The following TOPAZ1 variants were observed in gnomAD, a reference collection of about 807,000 sequenced individuals.
TOPAZ1 encodes the protein testis and ovary specific TOPAZ 1.
TOPAZ1 carries 66 observed loss-of-function variants against 172.2 expected under a neutral mutation model. The ratio of observed to expected loss-of-function variants is 0.38; its 90% CI spans 0.31 to 0.47. The LOEUF (loss-of-function observed/expected upper bound fraction) is 0.47, where lower values mean the gene tolerates loss of function less well. Among genes scored for constraint, TOPAZ1 ranks in the 20% least tolerant of loss-of-function variants. TOPAZ1 has a pLI of 0.99. For missense variants in TOPAZ1, 1,822 were observed against 1,972.4 expected, an observed-to-expected ratio of 0.92 and a Z score of 1.44; for synonymous variants, 681 against 683.9, an observed-to-expected ratio of 1.00 and a Z score of 0.07.
At position 44,244,887 on chromosome 3, in the gene TOPAZ1, C is replaced by T; in HGVS notation, c.2381C>T (p.Ser794Phe). ...NHVSEPGNIV[S>F]NKEVASLTVE... is the part of the protein sequence containing the mutation. ...GTCTCTGAACCAGGCAATATTGTTT[C>T]TAATAAAGAAGTTGCTTCTCTCACA... Residue 794 changes from serine (S) to phenylalanine (F), a missense_variant, in exon 2 of 20, where the codon TCT becomes TTT. Around this residue, in one of 2 missense-constraint regions of TOPAZ1, gnomAD observed 1,489 missense variants for 1,490.8 expected, o/e 1.00. Coordinates refer to ENST00000309765, the MANE Select transcript of TOPAZ1 (RefSeq NM_001145030.2). 6.4e-7 allele frequency: 1 copy of T among 1,551,698 alleles called. No individual in the cohort carries two copies. Among genetic ancestry groups the T allele is most frequent in the Non-Finnish European group, 8.7e-7 (1 of 1,146,990 alleles).
chr3:44,292,955 C>T (rs1347187560), intron 12 of TOPAZ1, among the ~76,000 whole-genome samples: 1 of 152,198 alleles, frequency 6.6e-6, no homozygotes, highest in East Asian at 1.9e-4. Context: ...CCCTCTGCCC[C>T]TTTCTGTGCT....
chr3:44,330,414 G>T (rs1399994187), intron 19 of TOPAZ1, among the ~76,000 whole-genome samples: 1 of 152,096 alleles, frequency 6.6e-6, no homozygotes, highest in Non-Finnish European at 1.5e-5. Context: ...TTTCTCTATT[G>T]TCATTATCAT....
chr3:44,242,317 G>A lies in TOPAZ1; in HGVS notation c.264G>A (p.Pro88=), dbSNP rs1036793073. The A allele has an allele frequency of 1.0e-5, 16 of 1,552,040 alleles. No individual in the cohort carries two copies. The African/African-American group carries it at 1.2e-4, about 12-fold the overall frequency. The change falls in exon 1 of 20, where the codon CCG becomes CCA. Residue 88 remains proline (P), a synonymous_variant. Transcript: ENST00000309765. ...ARRQVEGRRG[P]VSPSDSSDPR... ...GTCAGGTGGAGGGGCGCAGGGGCCC[G>A]GTGAGCCCGTCAGACTCGTCAGACC...
intron 2 of TOPAZ1, among the ~76,000 whole-genome samples, chr3:44,254,221 A>G (rs78419780): frequency 7.9e-5 from 12 of 152,330 alleles, no homozygotes; most frequent in African/African-American, 2.2e-4. Context: ...TCTGTTCTAC[A>G]TATTCTTAAT....
In TOPAZ1 at chr3:44,245,530, CTTTTTTTTTTTT is replaced by C. The variant is rs531158571; in HGVS notation, c.2765+274_2765+285del. On this transcript the variant is annotated intron_variant, in intron 2 of 19. Transcript: ENST00000309765. ...TCAGAATTTATGGTTCATAGAGTGG[CTTTTTTTTTTTT>C]TTTTTTTTTTTTTTAACGGAGTCTC... 4.8e-5 allele frequency among the ~76,000 whole-genome samples: 4 copies of C among 83,006 alleles called. No individual in the cohort carries two copies. In the South Asian group the frequency reaches 2.0e-3, roughly 42 times the overall value. The allele number at this position is 83,006 out of a possible 152,430, so 54.5% of individuals were successfully genotyped here. A position where few individuals can be genotyped will look rare whatever the true frequency, so the allele number is the denominator to read the frequency against.
At chr3:44,297,169 C>CAAAA (rs35773194) in intron 12 of TOPAZ1, among the ~76,000 whole-genome samples, 2 of 135,544 alleles carry the variant, frequency 1.5e-5, no homozygotes, top group Admixed American at 7.3e-5. Flanking sequence ...AAGTCTGTCT[C>CAAAA]AAAAAAAAAA....
At chr3:44,294,375 G>T (rs1339312723) in intron 12 of TOPAZ1, among the ~76,000 whole-genome samples, 2 of 152,134 alleles carry the variant, frequency 1.3e-5, no homozygotes, top group Admixed American at 1.3e-4. Context: ...TAGTTAAGGA[G>T]TTTAGATCAT....
At chr3:44,315,858 G>A (rs563641607) in intron 16 of TOPAZ1, among the ~76,000 whole-genome samples, 18 of 152,196 alleles carry the variant, frequency 1.2e-4, no homozygotes, top group African/African-American at 3.6e-4. Flanking sequence ...TTGCAGTCAT[G>A]GGATTTTTAA....
intron 2 of TOPAZ1, among the ~76,000 whole-genome samples, chr3:44,252,724 C>T (rs1699649029): frequency 6.6e-6 from 1 of 152,150 alleles, no homozygotes; most frequent in Non-Finnish European, 1.5e-5. Flanking sequence ...TCCAGTAGTT[C>T]TCTTGGCACA....
intron 16 of TOPAZ1, 31 bp from the exon 17 acceptor site, chr3:44,320,995 AT>A (rs1443858651): frequency 7.0e-7 from 1 of 1,426,184 alleles, no homozygotes; most frequent in South Asian, 1.3e-5. Flanking sequence ...TTTTCATGGT[AT>A]AAACTATTCA....
chr3:44,315,277 C>A (rs1325510475), intron 16 of TOPAZ1, among the ~76,000 whole-genome samples: 1 of 151,912 alleles, frequency 6.6e-6, no homozygotes, highest in Non-Finnish European at 1.5e-5. Context: ...TGTGGACCAG[C>A]GCCTGTGACT....
Position 44,241,927 on chromosome 3 carries a change from T to G in TOPAZ1, c.-127T>G. On this transcript the variant is annotated 5_prime_UTR_variant, in exon 1 of 20. Coordinates refer to ENST00000309765, the MANE Select transcript of TOPAZ1 (RefSeq NM_001145030.2). ...CCCACTTCCGCTTCCGGCCCCGGGC[T>G]GTGGTGACTGGCGGTGTGGGGTGGG... 1 of 901,634 alleles carries G rather than the reference T, an allele frequency of 1.1e-6. No homozygotes were observed. The highest frequency in any genetic ancestry group is 1.6e-6 in the Non-Finnish European group (1 of 613,896). 55.9% of individuals were successfully genotyped at this position (901,634 alleles called of 1,614,324 possible).
intron 2 of TOPAZ1, among the ~76,000 whole-genome samples, chr3:44,247,652 A>G (rs974481657): frequency 6.6e-6 from 1 of 151,908 alleles, no homozygotes; most frequent in African/African-American, 2.4e-5. Context: ...AATCTTGACT[A>G]TTTTTGTTAT....
At chr3:44,271,560 A>T (rs1246221098) in intron 8 of TOPAZ1, among the ~76,000 whole-genome samples, 1 of 151,976 alleles carries the variant, frequency 6.6e-6, no homozygotes, top group Non-Finnish European at 1.5e-5. Context: ...ATATATATAA[A>T]ATCATTTATT....
intron 9 of TOPAZ1, among the ~76,000 whole-genome samples, chr3:44,285,596 G>A (rs1367125003): frequency 2.0e-5 from 3 of 152,024 alleles, no homozygotes; most frequent in African/African-American, 4.8e-5. Flanking sequence ...TTGAGACGGA[G>A]TCTTCCCCGG....
intron 9 of TOPAZ1, among the ~76,000 whole-genome samples, chr3:44,287,091 A>ACT (rs1355585479): frequency 6.6e-6 from 1 of 151,950 alleles, no homozygotes; most frequent in Non-Finnish European, 1.5e-5. Flanking sequence ...TGGGAGCTTG[A>ACT]CTCTGTAGGA....
chr3:44,264,355 G>A (rs1206911444), intron 5 of TOPAZ1, among the ~76,000 whole-genome samples: 1 of 152,332 alleles, frequency 6.6e-6, no homozygotes, highest in African/African-American at 2.4e-5. Flanking sequence ...TTGTTTCCTA[G>A]TGCGTATAAA....
At chr3:44,272,345 T>C (rs894702902) in intron 8 of TOPAZ1, among the ~76,000 whole-genome samples, 14 of 152,232 alleles carry the variant, frequency 9.2e-5, no homozygotes, top group Admixed American at 3.9e-4. Flanking sequence ...ATGGCTATAC[T>C]AATTTACATT....
chr3:44,256,734 G>A (rs1428604567), intron 4 of TOPAZ1, among the ~76,000 whole-genome samples: 1 of 152,058 alleles, frequency 6.6e-6, no homozygotes, highest in Admixed American at 6.5e-5. Flanking sequence ...TACCATGGTA[G>A]GCTTCAAAGT....
Sources: gnomAD v4.1 joint callset for allele counts (sites outside exome capture counted in the v4.1 genomes callset) on GRCh38, gnomAD v4.1.1 for gene constraint, gnomAD v4.1.1 regional missense constraint, MANE v1.5 for transcripts, NCBI Gene and HGNC (gene_info 2026-07-23, HGNC 2026-07-21) for gene names.